Variants in PPFIA1 observed in about 807,000 individuals in gnomAD.
PPFIA1 encodes the protein PPFI scaffold protein A1.
In PPFIA1, 25 loss-of-function variants were observed where a neutral mutation model predicts 149.9. The ratio of observed to expected loss-of-function variants is 0.17; its 90% CI spans 0.12 to 0.23. The LOEUF (loss-of-function observed/expected upper bound fraction) is 0.23, where lower values mean the gene tolerates loss of function less well. Ranked by LOEUF, PPFIA1 falls within the 10% of genes least tolerant of loss-of-function variation. PPFIA1 has a pLI of 1.00. For synonymous variants in PPFIA1, 549 were observed against 552.8 expected (o/e 0.99, Z 0.10); for missense variants, 1,362 against 1,506.5 (o/e 0.90, Z 1.59).
chr11:70,323,260 C>T (rs944283975), intron 2 of PPFIA1, among the ~76,000 whole-genome samples: 20 of 152,096 alleles, frequency 1.3e-4, no homozygotes, highest in African/African-American at 4.6e-4. Flanking sequence ...TCACCAAACT[C>T]GTTTCTCCCT....
intron 7 of PPFIA1, among the ~76,000 whole-genome samples, chr11:70,329,606 G>A (rs890846961): frequency 1.5e-4 from 23 of 152,052 alleles, no homozygotes; most frequent in African/African-American, 5.6e-4. Flanking sequence ...GCCACCATGC[G>A]TGGCTAATTT....
intron 23 of PPFIA1, chr11:70,373,594 A>T (rs2057364163): frequency 6.6e-6 from 1 of 152,194 alleles, no homozygotes; most frequent in Non-Finnish European, 1.5e-5. Flanking sequence ...GAATTCCTGG[A>T]ATGCAAGGAA....
chr11:70,317,994 C>T (rs989541704), intron 2 of PPFIA1, among the ~76,000 whole-genome samples: 1 of 152,156 alleles, frequency 6.6e-6, no homozygotes, highest in Non-Finnish European at 1.5e-5. Flanking sequence ...ATCTCCCCTA[C>T]TGGTCCATTA....
intron 17 of PPFIA1, among the ~76,000 whole-genome samples, chr11:70,355,036 C>G (rs1285017101): frequency 6.6e-6 from 1 of 151,972 alleles, no homozygotes; most frequent in African/African-American, 2.4e-5. Context: ...TCCCGAGTAG[C>G]TGGAACTACA....
chr11:70,315,323 GTCT>G (rs1317962228), intron 2 of PPFIA1, among the ~76,000 whole-genome samples: 3 of 152,094 alleles, frequency 2.0e-5, no homozygotes, highest in Non-Finnish European at 2.9e-5. Flanking sequence ...GAAGTTTGTG[GTCT>G]TCTTTTCTAG....
At position 70,330,183 on chromosome 11, in the gene PPFIA1, A is replaced by C; in HGVS notation, c.941A>C (p.Gln314Pro). The C allele has an allele frequency of 6.3e-7, 1 of 1,595,442 alleles. No individual in the cohort carries two copies. The highest frequency in any genetic ancestry group is 1.1e-5 in the South Asian group (1 of 87,066). Residue 314 changes from glutamine to proline, a missense_variant, in exon 8 of 28, where the codon CAA (glutamine) becomes CCA (proline). Around this residue, in one of 7 missense-constraint regions of PPFIA1, gnomAD observed 733 missense variants for 744.1 expected, o/e 0.99. Transcript: ENST00000253925. ...AAATACCTAATTTAGGCCATGGCCC[A>C]AAAGGAAGATATGGAAGAGAGAATC... ...LQRDVREAMAQKEDMEERITT... is the reference protein window; with the variant it reads ...LQRDVREAMAPKEDMEERITT...
intron 16 of PPFIA1, among the ~76,000 whole-genome samples, chr11:70,353,864 T>A (rs2056209084): frequency 6.6e-6 from 1 of 152,232 alleles, no homozygotes; most frequent in Non-Finnish European, 1.5e-5. Flanking sequence ...AGTGTTTCTT[T>A]TGAAGGACAT....
chr11:70,337,804 GTTA>G (rs546738738), intron 12 of PPFIA1, among the ~76,000 whole-genome samples: 4 of 152,268 alleles, frequency 2.6e-5, no homozygotes, highest in Non-Finnish European at 5.9e-5. Context: ...TATGCAAAAT[GTTA>G]TTATTTCATA....
Position 70,372,518 on chromosome 11 carries a change from A to G in PPFIA1, c.3083A>G (p.Asn1028Ser), listed in dbSNP as rs146411327. 1.2e-6 allele frequency: 2 copies of G among 1,614,040 alleles called. No individual in the cohort carries two copies. Among genetic ancestry groups the G allele is most frequent in the Non-Finnish European group, 1.7e-6 (2 of 1,179,910 alleles). Residue 1028 changes from asparagine (N) to serine (S), a missense_variant, in exon 23 of 28, where the codon AAT becomes AGT. Transcript: ENST00000253925. ...QCGIMCLRRL[N>S]YDRKELERKR... is the part of the protein sequence containing the mutation. ...GGAATTATGTGCCTGAGAAGGTTAA[A>G]TTATGACCGGAAAGAACTGGAAAGA...
intron 2 of PPFIA1, among the ~76,000 whole-genome samples, chr11:70,313,599 A>G (rs1007534615): frequency 6.6e-6 from 1 of 152,088 alleles, no homozygotes; most frequent in African/African-American, 2.4e-5. Context: ...GTCCTCAGCC[A>G]GTGGTTACTG....
At chr11:70,374,716 T>G in intron 23 of PPFIA1, 1 of 524,308 alleles carries the variant, frequency 1.9e-6, no homozygotes, top group Non-Finnish European at 3.3e-6. Flanking sequence ...AATGGGAGAG[T>G]CTCCCTGAGA....
At chr11:70,346,510 A>G (rs1211508924) in intron 15 of PPFIA1, among the ~76,000 whole-genome samples, 3 of 152,060 alleles carry the variant, frequency 2.0e-5, no homozygotes, top group African/African-American at 7.2e-5. Context: ...TTTTGACTTT[A>G]TAACTCCCAT....
At chr11:70,320,874 A>G (rs1167636408) in intron 2 of PPFIA1, among the ~76,000 whole-genome samples, 1 of 152,196 alleles carries the variant, frequency 6.6e-6, no homozygotes, top group African/African-American at 2.4e-5. Context: ...ATGCTATTCC[A>G]TGGTTCTCTA....
chr11:70,314,492 T>C (rs1337613871), intron 2 of PPFIA1, among the ~76,000 whole-genome samples: 1 of 152,152 alleles, frequency 6.6e-6, no homozygotes, highest in Non-Finnish European at 1.5e-5. Flanking sequence ...TACTAAGCAA[T>C]ACAGACTTAA....
chr11:70,277,482 T>G (rs35276172), intron 2 of PPFIA1, among the ~76,000 whole-genome samples: 1 of 146,036 alleles, frequency 6.8e-6, no homozygotes, highest in African/African-American at 2.5e-5. Flanking sequence ...ATATTTCTTG[T>G]TTTTTTTTTT....
intron 2 of PPFIA1, among the ~76,000 whole-genome samples, chr11:70,295,649 C>T (rs2051911872): frequency 7.0e-6 from 1 of 143,698 alleles, no homozygotes; most frequent in African/African-American, 2.6e-5. Flanking sequence ...AGAGGTGCCC[C>T]TCACCTCCCG....
rs769866776 is a variant in PPFIA1, at chr11:70,339,329, C to G, written c.1707+23C>G. On this transcript the variant is annotated intron_variant, in intron 14 of 27. Coordinates refer to ENST00000253925, the MANE Select transcript of PPFIA1 (RefSeq NM_003626.5). The stretch of plus-strand genomic sequence containing the variant: ...AAGGCAAGGTCTTTGTGTGAAATAC[C>G]TCTGCTTACGTGAAAGTTACCTACT... 1.7e-5 allele frequency: 27 copies of G among 1,602,722 alleles called. No homozygotes were observed. The South Asian group carries it at 3.0e-4, about 18-fold the overall frequency.
At chr11:70,299,514 C>T in intron 2 of PPFIA1, among the ~76,000 whole-genome samples, 1 of 152,154 alleles carries the variant, frequency 6.6e-6, no homozygotes, top group East Asian at 1.9e-4. Flanking sequence ...CTGAACAAAC[C>T]CTCTCCTCGG....
chr11:70,324,360 G>T, intron 2 of PPFIA1, 42 bp from the exon 3 acceptor site: 5 of 1,452,724 alleles, frequency 3.4e-6, no homozygotes, highest in South Asian at 1.2e-5. Context: ...TTTCTTTAGG[G>T]GGTCTTTCTT....
Sources: allele counts gnomAD v4.1 joint callset (sites outside exome capture counted in the v4.1 genomes callset), GRCh38; gene constraint gnomAD v4.1.1; regional missense constraint gnomAD v4.1.1; transcripts MANE v1.5; gene names NCBI Gene and HGNC (gene_info 2026-07-23, HGNC 2026-07-21).